EYS: variants seen among roughly 807,000 people sequenced by gnomAD.
The protein encoded by EYS is EGF-like photoreceptor maintenance factor, also known as protein eyes shut homolog.
A neutral mutation model predicts 282.1 loss-of-function variants in EYS; 250 were observed. That is an observed-to-expected ratio of 0.89 (90% CI 0.80 to 0.98). EYS has a LOEUF of 0.98. Among genes scored for constraint, EYS ranks in the 50% least tolerant of loss-of-function variants. The pLI, the probability that EYS is intolerant of heterozygous loss-of-function variation, is 0.00. For missense variants in EYS, 4,016 were observed against 3,709.0 expected, an observed-to-expected ratio of 1.08 and a Z score of -2.15; for synonymous variants, 1,355 against 1,282.9, an observed-to-expected ratio of 1.06 and a Z score of -1.20.
chr6:64,679,071 T>C (rs1036373359), intron 22 of EYS, among the ~76,000 whole-genome samples: 11 of 152,214 alleles, frequency 7.2e-5, no homozygotes, highest in African/African-American at 2.7e-4. Context: ...TCATAATCTA[T>C]AAAAAGCTGT....
chr6:65,192,617 T>A (rs900988078), intron 12 of EYS, among the ~76,000 whole-genome samples: 2 of 151,776 alleles, frequency 1.3e-5, no homozygotes, highest in Non-Finnish European at 2.9e-5. Context: ...AACAGTCTAC[T>A]ATGGTTTGAA....
intron 22 of EYS, among the ~76,000 whole-genome samples, chr6:64,754,795 C>A (rs763333172): frequency 2.0e-5 from 3 of 152,022 alleles, no homozygotes; most frequent in Non-Finnish European, 4.4e-5. Flanking sequence ...AGTAAGCTAT[C>A]TCAAAAGTAT....
At chr6:63,888,432 C>T (rs956112686) in intron 35 of EYS, among the ~76,000 whole-genome samples, 4 of 152,222 alleles carry the variant, frequency 2.6e-5, no homozygotes, top group African/African-American at 9.6e-5. Context: ...GCGAAGCTTC[C>T]AGAGGAAGGA....
intron 22 of EYS, among the ~76,000 whole-genome samples, chr6:64,657,082 T>G (rs1251830620): frequency 1.3e-5 from 2 of 152,254 alleles, no homozygotes; most frequent in Non-Finnish European, 1.5e-5. Flanking sequence ...CTCTTCTTGT[T>G]GAATTGATCC....
intron 29 of EYS, among the ~76,000 whole-genome samples, chr6:64,335,167 A>G (rs1238688883): frequency 1.3e-5 from 2 of 152,136 alleles, no homozygotes; most frequent in African/African-American, 4.8e-5. Flanking sequence ...GAAGGAATTA[A>G]TGAAATCAAC....
intron 14 of EYS, among the ~76,000 whole-genome samples, chr6:64,976,220 C>T (rs1430368798): frequency 6.6e-6 from 1 of 151,788 alleles, no homozygotes. Context: ...TATTCAACAG[C>T]CTCTTTTTTG....
intron 31 of EYS, among the ~76,000 whole-genome samples, chr6:64,141,836 T>C (rs768631148): frequency 1.3e-5 from 2 of 152,170 alleles, no homozygotes; most frequent in Non-Finnish European, 2.9e-5. Context: ...TGTGGAAGTC[T>C]AGTTTGCATA....
chr6:64,424,910 A>G (rs143171065), intron 28 of EYS, among the ~76,000 whole-genome samples: 2,162 of 152,310 alleles, frequency 0.014, 19 homozygotes, highest in Non-Finnish European at 0.021. Context: ...AGAACAGTTA[A>G]GGAGGATTTA....
intron 29 of EYS, among the ~76,000 whole-genome samples, chr6:64,344,965 T>C (rs1771313883): frequency 6.6e-6 from 1 of 151,958 alleles, no homozygotes; most frequent in South Asian, 2.1e-4. Context: ...TCAAAGAGAA[T>C]AAAATACCTA....
intron 11 of EYS, among the ~76,000 whole-genome samples, chr6:65,332,853 G>C (rs1769846374): frequency 6.6e-6 from 1 of 151,100 alleles, no homozygotes; most frequent in Admixed American, 6.6e-5. Context: ...ACTTCTTCTT[G>C]AATCAATTTC....
intron 8 of EYS, among the ~76,000 whole-genome samples, chr6:65,365,149 C>T (rs956925760): frequency 1.3e-5 from 2 of 151,652 alleles, no homozygotes; most frequent in Admixed American, 6.7e-5. Flanking sequence ...GAATAAATTC[C>T]TTTCTCTGTT....
chr6:65,517,862 T>C (rs1230532874), intron 2 of EYS, among the ~76,000 whole-genome samples: 1 of 152,000 alleles, frequency 6.6e-6, no homozygotes, highest in East Asian at 1.9e-4. Flanking sequence ...GGCAGGATAG[T>C]AAAAATTCAA....
At chr6:65,251,767 G>C (rs1767330550) in intron 12 of EYS, among the ~76,000 whole-genome samples, 1 of 152,016 alleles carries the variant, frequency 6.6e-6, no homozygotes. Flanking sequence ...TGGAGTTAGA[G>C]AGTGATGGGA....
intron 12 of EYS, among the ~76,000 whole-genome samples, chr6:65,225,884 C>A (rs972100863): frequency 7.2e-5 from 11 of 151,956 alleles, no homozygotes; most frequent in Admixed American, 2.6e-4. Flanking sequence ...TACAAGGGAA[C>A]TTCTTTAACA....
At chr6:65,079,205 T>C (rs953302475) in intron 12 of EYS, among the ~76,000 whole-genome samples, 19 of 152,074 alleles carry the variant, frequency 1.2e-4, no homozygotes, top group Admixed American at 3.3e-4. Context: ...TGGTTTCTTA[T>C]AAAAAGTGAA....
chr6:63,781,757 A>C (rs111519060), intron 39 of EYS, among the ~76,000 whole-genome samples: 48 of 152,220 alleles, frequency 3.2e-4, no homozygotes, highest in Middle Eastern at 6.8e-3. Flanking sequence ...CTCCTGCCTG[A>C]TTGCCCTAGC....
intron 12 of EYS, among the ~76,000 whole-genome samples, chr6:65,165,550 CT>C (rs769909186): frequency 1.5e-4 from 23 of 151,018 alleles, no homozygotes; most frequent in Non-Finnish European, 3.1e-4. Context: ...GCATTTCTTA[CT>C]TTTATTCATT....
At chr6:64,659,565 T>A (rs952618956) in intron 22 of EYS, among the ~76,000 whole-genome samples, 8 of 151,784 alleles carry the variant, frequency 5.3e-5, no homozygotes, top group Non-Finnish European at 1.2e-4. Context: ...CCACCACCGA[T>A]CCCACAGAAA....
At position 65,001,831 on chromosome 6, in the gene EYS, C is replaced by T. The variant is rs1409730556; in HGVS notation, c.2138-4128G>A. Reference sequence around the variant, plus strand: ...TAAATTTTAATAAATATTTTGGTTGCCTGGTAGCTAAATATCCTTAGATGG... The same window carrying T: ...TAAATTTTAATAAATATTTTGGTTGTCTGGTAGCTAAATATCCTTAGATGG... On this transcript the variant is annotated intron_variant, in intron 13 of 42. Transcript: ENST00000503581. 2.7e-5 allele frequency among the ~76,000 whole-genome samples: 4 copies of T among 146,532 alleles called. 1 individual carries two copies. Among genetic ancestry groups the T allele is most frequent in the Non-Finnish European group, 6.1e-5 (4 of 65,644 alleles).
Sources: gnomAD v4.1 joint callset for allele counts (sites outside exome capture counted in the v4.1 genomes callset) on GRCh38, gnomAD v4.1.1 for gene constraint, MANE v1.5 for transcripts, NCBI Gene and HGNC (gene_info 2026-07-23, HGNC 2026-07-21) for gene names.